RCAN3: variants seen among roughly 807,000 people sequenced by gnomAD.
RCAN3 encodes the protein regulator of calcineurin 3, also known as calcipressin-3.
In RCAN3, 19 loss-of-function variants were observed where a neutral mutation model predicts 21.9. The observed-to-expected ratio is 0.87, with a 90% CI of 0.61 to 1.27. The LOEUF (loss-of-function observed/expected upper bound fraction) is 1.27, where lower values mean the gene tolerates loss of function less well. Ranked by LOEUF, RCAN3 falls within the 50% of genes most tolerant of loss-of-function variation. The pLI, the probability that RCAN3 is intolerant of heterozygous loss-of-function variation, is 0.00. For synonymous variants in RCAN3, 114 were observed against 112.3 expected, an observed-to-expected ratio of 1.01 and a Z score of -0.09; for missense variants, 240 against 300.1, an observed-to-expected ratio of 0.80 and a Z score of 1.48.
chr1:24,506,456 T>C (rs923432649), intron 1 of RCAN3, among the ~76,000 whole-genome samples: 1 of 152,202 alleles, frequency 6.6e-6, no homozygotes, highest in Non-Finnish European at 1.5e-5. Flanking sequence ...TTCCTGTTTT[T>C]GATAATTATC....
chr1:24,516,701 G>A (rs556887489), intron 2 of RCAN3, among the ~76,000 whole-genome samples: 12 of 152,278 alleles, frequency 7.9e-5, no homozygotes, highest in Middle Eastern at 6.8e-3. Context: ...AGAGCTCCAC[G>A]TCAGGAAGCT....
At chr1:24,533,520 C>T (rs994701895) in intron 4 of RCAN3, among the ~76,000 whole-genome samples, 1 of 152,176 alleles carries the variant, frequency 6.6e-6, no homozygotes, top group Non-Finnish European at 1.5e-5. Flanking sequence ...TAAATGAGGG[C>T]CAGGTGTGGT....
chr1:24,528,648 C>T (rs1649474897), intron 2 of RCAN3, among the ~76,000 whole-genome samples: 1 of 152,128 alleles, frequency 6.6e-6, no homozygotes, highest in South Asian at 2.1e-4. Flanking sequence ...GTTCCATTCA[C>T]CAGGAAGAGA....
At position 24,521,533 on chromosome 1, in the gene RCAN3, C is replaced by T. The variant is rs565405086; in HGVS notation, c.195+6966C>T. On this transcript the variant is annotated intron_variant, in intron 2 of 4. Coordinates refer to ENST00000374395, the MANE Select transcript of RCAN3 (RefSeq NM_013441.4). The stretch of plus-strand genomic sequence containing the variant: ...AACTGTGCTACCCTCTATGGCACAG[C>T]TCATAATAGCATGCTTTTAAAAGTA... Among the ~76,000 whole-genome samples, 103 of 152,274 alleles carry T rather than the reference C, an allele frequency of 6.8e-4. 2 individuals carry two copies. In the South Asian group the frequency reaches 0.019, roughly 29 times the overall value.
At chr1:24,535,012 A>G in intron 4 of RCAN3, 81 bp from the exon 5 acceptor site, 1 of 1,370,246 alleles carries the variant, frequency 7.3e-7, no homozygotes, top group Non-Finnish European at 9.9e-7. Context: ...ATAGGAGTAG[A>G]ACAAAAAGTT....
intron 2 of RCAN3, among the ~76,000 whole-genome samples, chr1:24,517,735 G>A (rs1193571795): frequency 6.6e-6 from 1 of 152,186 alleles, no homozygotes; most frequent in East Asian, 1.9e-4. Flanking sequence ...GCTCATGCTT[G>A]TAATCCCAGC....
At chr1:24,524,988 T>C (rs981114436) in intron 2 of RCAN3, among the ~76,000 whole-genome samples, 4 of 151,990 alleles carry the variant, frequency 2.6e-5, no homozygotes, top group African/African-American at 9.7e-5. Flanking sequence ...ATAGAAGTGG[T>C]GGGCTCCTCA....
intron 1 of RCAN3, among the ~76,000 whole-genome samples, chr1:24,505,799 T>C (rs1424144968): frequency 6.6e-6 from 1 of 152,200 alleles, no homozygotes; most frequent in Non-Finnish European, 1.5e-5. Context: ...CTAGCTAAGA[T>C]ACTGAAATGT....
Position 24,533,067 on chromosome 1 carries a change from G to C in RCAN3, c.370-16G>C. ...CCCGGTTTGCAAACTGGCTTTGAGC[G>C]TCTCGCTCCCTGCAGGTGCAGATGT... On this transcript the variant is annotated splice_polypyrimidine_tract_variant and intron_variant, in intron 3 of 4. Transcript: ENST00000374395. The C allele has an allele frequency of 7.1e-7, 1 of 1,412,814 alleles. No homozygotes were observed. The highest frequency in any genetic ancestry group is 2.7e-5 in the East Asian group (1 of 37,038). The allele number at this position is 1,412,814 out of a possible 1,614,324, so 87.5% of individuals were successfully genotyped here.
intron 2 of RCAN3, among the ~76,000 whole-genome samples, chr1:24,521,124 A>G (rs577162126): frequency 1.3e-5 from 2 of 152,320 alleles, no homozygotes; most frequent in South Asian, 4.1e-4. Context: ...GATGGATGGA[A>G]TTGAATAGAA....
At chr1:24,524,828 GTTTTTTTTTTT>G (rs5773091) in intron 2 of RCAN3, among the ~76,000 whole-genome samples, 4 of 127,232 alleles carry the variant, frequency 3.1e-5, no homozygotes, top group African/African-American at 1.2e-4. Flanking sequence ...GTTTTCTTTT[GTTTTTTTTTTT>G]TTTTTTTTGA....
At chr1:24,509,808 T>G (rs1647732935) in intron 1 of RCAN3, among the ~76,000 whole-genome samples, 1 of 152,240 alleles carries the variant, frequency 6.6e-6, no homozygotes, top group Non-Finnish European at 1.5e-5. Context: ...CCATTTACTT[T>G]GCCCAGATCT....
At position 24,536,947 on chromosome 1, in the gene RCAN3, T is replaced by C. The variant is rs1650270251; in HGVS notation, c.*1670T>C. The C allele has an allele frequency of 6.6e-6, 1 of 152,132 alleles. No individual in the cohort carries two copies. Among genetic ancestry groups the C allele is most frequent in the Non-Finnish European group, 1.5e-5 (1 of 67,996 alleles). The allele number at this position is 152,132 out of a possible 1,614,324, so 9.4% of individuals were successfully genotyped here. A position where few individuals can be genotyped will look rare whatever the true frequency, so the allele number is the denominator to read the frequency against. ...TTGCAATTCTATCAGCAATTTAATG[T>C]ATTGAATTCAGATCATCATTTGTCA... On this transcript the variant is annotated 3_prime_UTR_variant, in exon 5 of 5. Coordinates refer to ENST00000374395, the MANE Select transcript of RCAN3 (RefSeq NM_013441.4).
At chr1:24,521,470 A>G (rs758247201) in intron 2 of RCAN3, among the ~76,000 whole-genome samples, 1 of 152,194 alleles carries the variant, frequency 6.6e-6, no homozygotes, top group Non-Finnish European at 1.5e-5. Context: ...TAGAAGATGC[A>G]GTAGCATCTT....
chr1:24,533,846 A>G (rs1649996559), intron 4 of RCAN3, among the ~76,000 whole-genome samples: 1 of 152,174 alleles, frequency 6.6e-6, no homozygotes, highest in African/African-American at 2.4e-5. Flanking sequence ...TGTATAGATA[A>G]TACTCAGTAA....
intron 1 of RCAN3, among the ~76,000 whole-genome samples, chr1:24,505,676 A>AT (rs1049177986): frequency 1.3e-5 from 2 of 152,060 alleles, no homozygotes; most frequent in Non-Finnish European, 2.9e-5. Flanking sequence ...AAACCAAGGG[A>AT]TTTTTCCCAA....
chr1:24,512,981 T>A (rs1038046605), intron 1 of RCAN3, among the ~76,000 whole-genome samples: 40 of 152,330 alleles, frequency 2.6e-4, no homozygotes, highest in African/African-American at 9.4e-4. Flanking sequence ...CTCACACCTG[T>A]AATCCCAGCG....
chr1:24,526,232 C>G (rs1475101704), intron 2 of RCAN3, among the ~76,000 whole-genome samples: 1 of 152,118 alleles, frequency 6.6e-6, no homozygotes, highest in Admixed American at 6.6e-5. Flanking sequence ...GATAAGACTA[C>G]AAGCGTATGC....
rs963723505 is a variant in RCAN3, at chr1:24,535,033, A to T, written c.542-60A>T. 38 of 1,460,838 alleles carry T rather than the reference A, an allele frequency of 2.6e-5. No homozygotes were observed. In the African/African-American group the frequency reaches 8.4e-4, roughly 32 times the overall value. 90.5% of individuals were successfully genotyped at this position (1,460,838 alleles called of 1,614,324 possible). ...GTAGAACAAAAAGTTGCAAGGGACA[A>T]AAGAGTTCTTTTTGCTGGAAGTGAT... is the stretch of plus-strand genomic sequence containing the variant. On this transcript the variant is annotated intron_variant, in intron 4 of 4. Transcript: ENST00000374395.
Sources: gnomAD v4.1 joint callset for allele counts (sites outside exome capture counted in the v4.1 genomes callset) on GRCh38, gnomAD v4.1.1 for gene constraint, MANE v1.5 for transcripts, NCBI Gene and HGNC (gene_info 2026-07-23, HGNC 2026-07-21) for gene names.